Variants in ABHD17C observed in about 807,000 individuals in gnomAD.
ABHD17C encodes abhydrolase domain containing 17C, depalmitoylase.
A neutral mutation model predicts 27.9 loss-of-function variants in ABHD17C; 11 were observed. The observed-to-expected ratio is 0.39, with a 90% CI of 0.25 to 0.65. ABHD17C has a LOEUF of 0.65. Among genes scored for constraint, ABHD17C ranks in the 30% least tolerant of loss-of-function variants. The pLI is 0.45. For synonymous variants in ABHD17C, 233 were observed against 209.1 expected (o/e 1.11, Z -0.98); for missense variants, 280 against 470.2 (o/e 0.60, Z 3.74).
intron 1 of ABHD17C, among the ~76,000 whole-genome samples, chr15:80,706,164 A>G (rs999965730): frequency 6.6e-6 from 1 of 152,238 alleles, no homozygotes; most frequent in Non-Finnish European, 1.5e-5. Flanking sequence ...CTTTTAAAAT[A>G]TGAATGCTCC....
At chr15:80,728,275 C>T (rs1418774884) in intron 1 of ABHD17C, among the ~76,000 whole-genome samples, 1 of 152,212 alleles carries the variant, frequency 6.6e-6, no homozygotes, top group Admixed American at 6.5e-5. Context: ...CACGCACACT[C>T]ACCTACCTAC....
chr15:80,697,213 C>T lies in ABHD17C; in HGVS notation c.590+1194C>T, dbSNP rs185305210. Reference sequence around the variant, plus strand: ...TTGCTCTATGTTGCATGTTTATGCCCTCCTGAAGTCCTGAAGGGGATGCCC... The same window carrying T: ...TTGCTCTATGTTGCATGTTTATGCCTTCCTGAAGTCCTGAAGGGGATGCCC... On this transcript the variant is annotated intron_variant, in intron 1 of 2. Transcript: ENST00000258884. Among the ~76,000 whole-genome samples the T allele has an allele frequency of 7.9e-5, 12 of 152,264 alleles. No homozygotes were observed. The East Asian group carries it at 1.9e-3, about 24-fold the overall frequency.
chr15:80,750,692 T>C (rs1381729096), intron 2 of ABHD17C, among the ~76,000 whole-genome samples: 1 of 152,160 alleles, frequency 6.6e-6, no homozygotes, highest in East Asian at 1.9e-4. Context: ...GAGATTCGGC[T>C]TCATGGGAAA....
chr15:80,753,713 G>A (rs994658250), intron 2 of ABHD17C, among the ~76,000 whole-genome samples: 4 of 151,916 alleles, frequency 2.6e-5, no homozygotes, highest in African/African-American at 9.7e-5. Context: ...GCTGATTTTT[G>A]TATACACTGT....
chr15:80,711,259 A>C (rs984765744), intron 1 of ABHD17C, among the ~76,000 whole-genome samples: 1 of 152,284 alleles, frequency 6.6e-6, no homozygotes, highest in Non-Finnish European at 1.5e-5. Context: ...GGATGCTCGC[A>C]TGAATCACTG....
chr15:80,720,271 C>T (rs1297626045), intron 1 of ABHD17C, among the ~76,000 whole-genome samples: 1 of 151,848 alleles, frequency 6.6e-6, no homozygotes, highest in African/African-American at 2.4e-5. Flanking sequence ...CAGGGATCAC[C>T]TGAGGCCTTT....
Position 80,695,658 on chromosome 15 carries a change from G to A in ABHD17C, c.229G>A (p.Glu77Lys). The A allele has an allele frequency of 7.1e-7, 1 of 1,416,772 alleles. No homozygotes were observed. The highest frequency in any genetic ancestry group is 1.5e-5 in the South Asian group (1 of 67,336). The allele number at this position is 1,416,772 out of a possible 1,614,324, so 87.8% of individuals were successfully genotyped here. A position where few individuals can be genotyped will look rare whatever the true frequency, so the allele number is the denominator to read the frequency against. The change falls in exon 1 of 3, where the codon GAG (glutamate) becomes AAG (lysine). Residue 77 changes from glutamate to lysine, a missense_variant. Transcript: ENST00000258884. The surrounding 1 kb of genome is among the most constrained non-coding windows in gnomAD (Gnocchi z 4.3). Reference protein sequence around the residue: ...AAAQPAPQQPEEGAGAGPGAC... With the variant: ...AAAQPAPQQPKEGAGAGPGAC... ...GGCCCAGCCGGCACCGCAGCAGCCC[G>A]AGGAGGGCGCGGGCGCGGGGCCCGG... is the stretch of plus-strand genomic sequence containing the variant.
intron 1 of ABHD17C, chr15:80,705,207 A>T (rs879325536): frequency 6.6e-6 from 1 of 152,042 alleles, no homozygotes; most frequent in Non-Finnish European, 1.5e-5. Flanking sequence ...TTAATGATTT[A>T]ATTCTTCATT....
chr15:80,726,217 G>T (rs536639525), intron 1 of ABHD17C, among the ~76,000 whole-genome samples: 2 of 152,152 alleles, frequency 1.3e-5, no homozygotes, highest in East Asian at 3.9e-4. Flanking sequence ...TTCCACCCTG[G>T]GCGGGCCAGG....
chr15:80,744,547 T>C (rs1168354087), intron 1 of ABHD17C, among the ~76,000 whole-genome samples: 2 of 152,218 alleles, frequency 1.3e-5, no homozygotes, highest in East Asian at 3.8e-4. Flanking sequence ...GGCAAAGTCC[T>C]TAACACAGTG....
At chr15:80,748,774 G>A (rs1895326521) in intron 1 of ABHD17C, among the ~76,000 whole-genome samples, 1 of 149,676 alleles carries the variant, frequency 6.7e-6, no homozygotes, top group African/African-American at 2.5e-5. Flanking sequence ...GAAGGCATGG[G>A]GAATGCACAC....
intron 1 of ABHD17C, among the ~76,000 whole-genome samples, chr15:80,711,574 G>T (rs1296767152): frequency 1.3e-5 from 2 of 152,198 alleles, no homozygotes; most frequent in Non-Finnish European, 2.9e-5. Flanking sequence ...CTGACTCGGT[G>T]TGGACTAGTG....
At chr15:80,711,621 C>G (rs1467144736) in intron 1 of ABHD17C, among the ~76,000 whole-genome samples, 1 of 152,190 alleles carries the variant, frequency 6.6e-6, no homozygotes, top group Non-Finnish European at 1.5e-5. Context: ...ACCATAATTA[C>G]TTTGGCAGGA....
In ABHD17C at chr15:80,695,879, C is replaced by A; in HGVS notation, c.450C>A (p.Ser150Arg). 1 of 1,597,342 alleles carries A rather than the reference C, an allele frequency of 6.3e-7. No homozygotes were observed. Among genetic ancestry groups the A allele is most frequent in the African/African-American group, 1.3e-5 (1 of 75,026 alleles). The change falls in exon 1 of 3, where the codon AGC (serine) becomes AGA (arginine). Residue 150 changes from serine to arginine, a missense_variant. Coordinates refer to ENST00000258884, the MANE Select transcript of ABHD17C (RefSeq NM_021214.2). This position sits in a 1 kb window ranked among gnomAD's most constrained non-coding sequence, Gnocchi z 4.3. The stretch of plus-strand genomic sequence containing the variant: ...CCGTGGACCTGGGCCAGATGTGCAG[C>A]TTCTACATTGGCCTCGGCTCCCGCA... ...GNAVDLGQMCSFYIGLGSRIN... is the reference protein window; with the variant it reads ...GNAVDLGQMCRFYIGLGSRIN...
chr15:80,732,004 C>T (rs1895063562), intron 1 of ABHD17C, among the ~76,000 whole-genome samples: 3 of 152,184 alleles, frequency 2.0e-5, no homozygotes, highest in Non-Finnish European at 1.5e-5. Context: ...ATTCTGCACT[C>T]ATTGTATGGA....
At chr15:80,708,415 A>G (rs1894678843) in intron 1 of ABHD17C, among the ~76,000 whole-genome samples, 1 of 152,164 alleles carries the variant, frequency 6.6e-6, no homozygotes, top group South Asian at 2.1e-4. Flanking sequence ...TCCTAGGTTC[A>G]AGTGATTCTC....
chr15:80,728,902 C>T lies in ABHD17C; in HGVS notation c.591-20611C>T, dbSNP rs115990457. ...CTGGGATTACAGGAATGAGCCACCACGCCCGGCCTAAAGCACAGATTTTCT... is the reference window on the plus strand; with the variant it reads ...CTGGGATTACAGGAATGAGCCACCATGCCCGGCCTAAAGCACAGATTTTCT... On this transcript the variant is annotated intron_variant, in intron 1 of 2. Coordinates refer to ENST00000258884, the MANE Select transcript of ABHD17C (RefSeq NM_021214.2). 4.6e-5 allele frequency among the ~76,000 whole-genome samples: 7 copies of T among 152,314 alleles called. No homozygotes were observed. In the East Asian group the frequency reaches 7.7e-4, roughly 17 times the overall value.
chr15:80,745,957 C>T (rs949788851), intron 1 of ABHD17C, among the ~76,000 whole-genome samples: 2 of 152,120 alleles, frequency 1.3e-5, no homozygotes, highest in East Asian at 1.9e-4. Flanking sequence ...GAATTTATCT[C>T]GGAGTAGAAT....
chr15:80,742,684 G>C (rs1008039215), intron 1 of ABHD17C, among the ~76,000 whole-genome samples: 3 of 152,116 alleles, frequency 2.0e-5, no homozygotes, highest in African/African-American at 7.2e-5. Flanking sequence ...TGAAGTCCTG[G>C]GGTTAAATGA....
Sources: allele counts gnomAD v4.1 joint callset (sites outside exome capture counted in the v4.1 genomes callset), GRCh38; gene constraint gnomAD v4.1.1; non-coding constraint Gnocchi (gnomAD v3.1); transcripts MANE v1.5; gene names NCBI Gene and HGNC (gene_info 2026-07-23, HGNC 2026-07-21).